Variants in ACOT7 observed in about 807,000 individuals in gnomAD.
ACOT7 encodes acyl-CoA thioesterase 7.
Under a neutral mutation model 40.2 loss-of-function variants are expected in ACOT7, and 12 were observed. That is an observed-to-expected ratio of 0.30 (90% confidence interval 0.19 to 0.48). The LOEUF (loss-of-function observed/expected upper bound fraction) is 0.48, where lower values mean the gene tolerates loss of function less well. Among genes scored for constraint, ACOT7 ranks in the 20% least tolerant of loss-of-function variants. ACOT7 has a pLI of 0.99. For missense variants in ACOT7, 395 were observed against 530.8 expected, an observed-to-expected ratio of 0.74 and a Z score of 2.51; for synonymous variants, 228 against 219.5, an observed-to-expected ratio of 1.04 and a Z score of -0.34.
At chr1:6,356,232 G>A (rs3789468) in intron 1 of ACOT7, among the ~76,000 whole-genome samples, 16,813 of 152,122 alleles carry the variant, frequency 0.11, 1,085 homozygotes, top group African/African-American at 0.17. Context: ...TCAAACCTTC[G>A]GGAGCATGGC....
At chr1:6,312,163 G>A (rs1450236244) in intron 6 of ACOT7, among the ~76,000 whole-genome samples, 2 of 152,192 alleles carry the variant, frequency 1.3e-5, no homozygotes, top group East Asian at 3.9e-4. Flanking sequence ...AGGAGCCTGA[G>A]ATAGAGGGAA....
At chr1:6,385,515 C>T in intron 1 of ACOT7, 1 of 1,611,504 alleles carries the variant, frequency 6.2e-7, no homozygotes. Context: ...GCAGGCTCCA[C>T]AGGGTGGGAG....
Position 6,339,513 on chromosome 1 carries a change from T to C in ACOT7, c.338A>G (p.His113Arg), listed in dbSNP as rs1279225147. Residue 113 changes from histidine to arginine, a missense_variant, in exon 3 of 9, where the codon CAT becomes CGT. By Grantham distance (29) the His-to-Arg change is conservative. Around this residue, in one of 2 missense-constraint regions of ACOT7, gnomAD observed 309 missense variants for 470.3 expected, o/e 0.66. Coordinates refer to ENST00000361521, the MANE Select transcript of ACOT7 (RefSeq NM_007274.4). ...LSPMCIGEVAHVSAEITYTSK... is the reference protein window; with the variant it reads ...LSPMCIGEVARVSAEITYTSK... Reference sequence around the variant, plus strand: ...GGTGTAGGTGATCTCCGCGCTGACATGCGCCACCTCACCGATGCACATGGG... The same window carrying C: ...GGTGTAGGTGATCTCCGCGCTGACACGCGCCACCTCACCGATGCACATGGG... 1 of 1,613,704 alleles carries C rather than the reference T, an allele frequency of 6.2e-7. No individual in the cohort carries two copies. The highest frequency in any genetic ancestry group is 1.7e-5 in the Admixed American group (1 of 60,024).
rs1241664760 is a variant in ACOT7 at position 6,294,715 on chromosome 1, G to A, written c.829+149C>T. On this transcript the variant is annotated intron_variant, in intron 7 of 8. Coordinates refer to ENST00000361521, the MANE Select transcript of ACOT7 (RefSeq NM_007274.4). The surrounding 1 kb of genome is among the most constrained non-coding windows in gnomAD (Gnocchi z 4.6). ...CAAGTCAATAAACAGCAAGGACAAA[G>A]AAAGAAACCTCAGCTTCCTGTTCCC... is the stretch of plus-strand genomic sequence containing the variant. 1.7e-5 allele frequency: 11 copies of A among 628,690 alleles called. No individual in the cohort carries two copies. The allele number at this position is 628,690 out of a possible 1,614,324, so 38.9% of individuals were successfully genotyped here. A position where few individuals can be genotyped will look rare whatever the true frequency, so the allele number is the denominator to read the frequency against.
chr1:6,301,036 C>G lies in ACOT7; in HGVS notation c.713-6056G>C, dbSNP rs17029370. Among the ~76,000 whole-genome samples the G allele has an allele frequency of 6.6e-6, 1 of 152,170 alleles. No individual in the cohort carries two copies. ...GCCTCCCCATCCTGTCCTGTGACAT[C>G]GAGTCCAGAGTGGAATTCTTCCCAA... On this transcript the variant is annotated intron_variant, in intron 6 of 8. Transcript: ENST00000361521. The surrounding 1 kb of genome is among the most constrained non-coding windows in gnomAD (Gnocchi z 4.1).
chr1:6,373,256 CT>C (rs1006120291), intron 1 of ACOT7, among the ~76,000 whole-genome samples: 3,294 of 146,552 alleles, frequency 0.022, 103 homozygotes, highest in African/African-American at 0.077. Flanking sequence ...TTGCCACAAA[CT>C]TTTTTTTTTT....
chr1:6,314,897 C>G (rs533783096), intron 6 of ACOT7, among the ~76,000 whole-genome samples: 23 of 152,040 alleles, frequency 1.5e-4, no homozygotes, highest in African/African-American at 5.3e-4. Context: ...ACACCCTCCA[C>G]GAGCCCTTCA....
At chr1:6,297,702 G>A (rs961715168) in intron 6 of ACOT7, among the ~76,000 whole-genome samples, 1 of 152,266 alleles carries the variant, frequency 6.6e-6, no homozygotes, top group East Asian at 1.9e-4. Context: ...ACTTATAAGT[G>A]TGTTTGGGAG....
At chr1:6,386,734 T>C (rs1642446736) in intron 1 of ACOT7, among the ~76,000 whole-genome samples, 2 of 152,022 alleles carry the variant, frequency 1.3e-5, no homozygotes, top group African/African-American at 4.8e-5. Flanking sequence ...AGGCGTGCAC[T>C]CGTAGTCCCA....
chr1:6,381,439 A>T (rs529684574), intron 1 of ACOT7, among the ~76,000 whole-genome samples: 1 of 151,908 alleles, frequency 6.6e-6, no homozygotes, highest in Non-Finnish European at 1.5e-5. Flanking sequence ...GACATTCAAC[A>T]TCACTAAACA....
At chr1:6,365,592 A>AC (rs1641989486) in intron 1 of ACOT7, among the ~76,000 whole-genome samples, 1 of 151,768 alleles carries the variant, frequency 6.6e-6, no homozygotes, top group Admixed American at 6.6e-5. Context: ...ACACGGTGAA[A>AC]CCCCATCTCT....
Position 6,306,918 on chromosome 1 carries a change from C to A in ACOT7, c.712+11574G>T. The A allele has an allele frequency of 7.8e-7, 1 of 1,288,954 alleles. No homozygotes were observed. The highest frequency in any genetic ancestry group is 1.0e-6 in the Non-Finnish European group (1 of 988,626). The allele number at this position is 1,288,954 out of a possible 1,614,324, so 79.8% of individuals were successfully genotyped here. ...AAAAGATTGTTTTTTCACAACTGCC[C>A]CAAGAAGACCAAGTGAACAAGAGCG... On this transcript the variant is annotated intron_variant, in intron 6 of 8. Coordinates refer to ENST00000361521, the MANE Select transcript of ACOT7 (RefSeq NM_007274.4). The surrounding 1 kb of genome is among the most constrained non-coding windows in gnomAD (Gnocchi z 4.3).
At chr1:6,276,457 A>AGCGGGT (rs1639192385) in intron 8 of ACOT7, among the ~76,000 whole-genome samples, 2 of 151,978 alleles carry the variant, frequency 1.3e-5, no homozygotes, top group African/African-American at 4.8e-5. Flanking sequence ...AGCTGCCCGG[A>AGCGGGT]GCGGGTGCGG....
chr1:6,392,422 G>A (rs1487660238), intron 1 of ACOT7, among the ~76,000 whole-genome samples: 1 of 152,194 alleles, frequency 6.6e-6, no homozygotes, highest in South Asian at 2.1e-4. Flanking sequence ...TTCTGCCGAA[G>A]AGAACTGCAG....
Position 6,333,579 on chromosome 1 carries a change from G to A in ACOT7, c.419-11C>T, listed in dbSNP as rs1377210429. The A allele has an allele frequency of 1.9e-6, 3 of 1,613,914 alleles. No individual in the cohort carries two copies. Among genetic ancestry groups the A allele is most frequent in the East Asian group, 4.5e-5 (2 of 44,884 alleles). On this transcript the variant is annotated splice_polypyrimidine_tract_variant and intron_variant, in intron 3 of 8. Coordinates refer to ENST00000361521, the MANE Select transcript of ACOT7 (RefSeq NM_007274.4). ...TCAGCTTTTTGGCACCTTAAGAGAA[G>A]AAAATCACATTAAGTGACGCCCGGG... is the stretch of plus-strand genomic sequence containing the variant.
Position 6,306,802 on chromosome 1 carries a change from G to A in ACOT7, c.712+11690C>T. 7.8e-7 allele frequency: 1 copy of A among 1,288,834 alleles called. No homozygotes were observed. The highest frequency in any genetic ancestry group is 1.0e-6 in the Non-Finnish European group (1 of 988,490). The allele number at this position is 1,288,834 out of a possible 1,614,324, so 79.8% of individuals were successfully genotyped here. A position where few individuals can be genotyped will look rare whatever the true frequency, so the allele number is the denominator to read the frequency against. ...GTGTTGTGTCCCACGTAGCAGTGGG[G>A]GCTCCGGCCAAACAAGGTCACGGAA... On this transcript the variant is annotated intron_variant, in intron 6 of 8. Transcript: ENST00000361521. This position sits in a 1 kb window ranked among gnomAD's most constrained non-coding sequence, Gnocchi z 4.3.
intron 6 of ACOT7, among the ~76,000 whole-genome samples, chr1:6,300,498 C>A (rs1053903792): frequency 2.6e-5 from 4 of 151,744 alleles, no homozygotes; most frequent in Admixed American, 2.6e-4. Flanking sequence ...CGGACCCCAC[C>A]CGATCCTGTG....
intron 2 of ACOT7, among the ~76,000 whole-genome samples, chr1:6,341,500 C>T (rs1641276283): frequency 1.3e-5 from 2 of 152,090 alleles, no homozygotes; most frequent in Admixed American, 6.5e-5. Context: ...CCCAGCACTT[C>T]GGGAGGCCAA....
intron 6 of ACOT7, among the ~76,000 whole-genome samples, chr1:6,297,361 A>C (rs1424202657): frequency 6.6e-6 from 1 of 152,148 alleles, no homozygotes; most frequent in African/African-American, 2.4e-5. Flanking sequence ...GATTCCTAAT[A>C]AACCCAGAGA....
Sources: allele counts gnomAD v4.1 joint callset (sites outside exome capture counted in the v4.1 genomes callset), GRCh38; gene constraint gnomAD v4.1.1; regional missense constraint gnomAD v4.1.1; non-coding constraint Gnocchi (gnomAD v3.1); transcripts MANE v1.5; gene names NCBI Gene and HGNC (gene_info 2026-07-23, HGNC 2026-07-21).